The following PCDHA6 variants were observed in gnomAD, a reference collection of about 807,000 sequenced individuals.
PCDHA6 encodes the protein protocadherin alpha 6.
A neutral mutation model predicts 60.3 loss-of-function variants in PCDHA6; 55 were observed. The observed-to-expected ratio is 0.91, with a 90% CI of 0.73 to 1.14. The LOEUF is 1.14. Ranked by LOEUF, PCDHA6 falls within the 50% of genes most tolerant of loss-of-function variation. The pLI is 0.00. For missense variants in PCDHA6, 1,327 were observed against 1,256.5 expected (o/e 1.06, Z -0.85); for synonymous variants, 652 against 557.9 (o/e 1.17, Z -2.38).
In PCDHA6 at chr5:140,888,611, G is replaced by C. The variant is rs1554183538; in HGVS notation, c.2394+58126G>C. Reference sequence around the variant, plus strand: ...CACATTCAGAGCAGCTTTTAGTGTAGCACTAATTCGGCCTTCTATTACAGC... The same window carrying C: ...CACATTCAGAGCAGCTTTTAGTGTACCACTAATTCGGCCTTCTATTACAGC... On this transcript the variant is annotated intron_variant, in intron 1 of 3. Transcript: ENST00000529310. Among the ~76,000 whole-genome samples the C allele has an allele frequency of 2.0e-5, 3 of 152,144 alleles. No homozygotes were observed. In the East Asian group the frequency reaches 5.8e-4, roughly 29 times the overall value.
rs180990865 is a variant in PCDHA6 at position 140,858,241 on chromosome 5, G to C, written c.2394+27756G>C. 1.8e-3 allele frequency: 2,879 copies of C among 1,596,686 alleles called. 210 individuals carry two copies. In the African/African-American group the frequency reaches 0.035, roughly 19 times the overall value. On this transcript the variant is annotated intron_variant, in intron 1 of 3. Coordinates refer to ENST00000529310, the MANE Select transcript of PCDHA6 (RefSeq NM_018909.4). ...CGGCGCCCACCGAGGGCGCATGTGGGCCGGTGAAGCCCACGCTGGTGTGCT... is the reference window on the plus strand; with the variant it reads ...CGGCGCCCACCGAGGGCGCATGTGGCCCGGTGAAGCCCACGCTGGTGTGCT...
intron 1 of PCDHA6, chr5:140,927,041 T>G (rs1242687827): frequency 9.9e-6 from 16 of 1,612,338 alleles, no homozygotes; most frequent in Non-Finnish European, 1.0e-5. Context: ...GCGGCCGCTA[T>G]GTCCTCGCGG....
At chr5:140,848,269 G>T in intron 1 of PCDHA6, 1 of 502,308 alleles carries the variant, frequency 2.0e-6, no homozygotes, top group Non-Finnish European at 3.5e-6. Context: ...TTTTATTCAT[G>T]AAATATGTAC....
intron 1 of PCDHA6, chr5:140,852,618 T>C: frequency 1.1e-6 from 1 of 941,450 alleles, no homozygotes; most frequent in Non-Finnish European, 1.3e-6. Flanking sequence ...AAAACTTGAG[T>C]GGTCTCTGAG....
At chr5:141,004,508 G>A (rs1554259596) in intron 3 of PCDHA6, among the ~76,000 whole-genome samples, 1 of 152,200 alleles carries the variant, frequency 6.6e-6, no homozygotes. Flanking sequence ...GCTGTGAGGG[G>A]CTCCCTCTGC....
chr5:141,007,277 C>T (rs2098312243), intron 3 of PCDHA6, among the ~76,000 whole-genome samples: 1 of 151,304 alleles, frequency 6.6e-6, no homozygotes, highest in Non-Finnish European at 1.5e-5. Context: ...AGGCTGGGTG[C>T]AGTGGGCTCA....
At chr5:140,927,142 G>T (rs781883795) in intron 1 of PCDHA6, 1 of 1,614,128 alleles carries the variant, frequency 6.2e-7, no homozygotes, top group South Asian at 1.1e-5. Context: ...GGCGGACCGC[G>T]AACAGCTGTG....
rs1229783262 is a variant in PCDHA6 at position 140,850,596 on chromosome 5, A to G, written c.2394+20111A>G. ...GCTGGTGGATGTCAACGTGTACCTG[A>G]TCATCGCCATCTGCGCGGTGTCTAG... On this transcript the variant is annotated intron_variant, in intron 1 of 3. Coordinates refer to ENST00000529310, the MANE Select transcript of PCDHA6 (RefSeq NM_018909.4). 2 of 1,598,308 alleles carry G rather than the reference A, an allele frequency of 1.3e-6. 1 individual carries two copies. The highest frequency in any genetic ancestry group is 1.7e-6 in the Non-Finnish European group (2 of 1,167,786).
intron 1 of PCDHA6, chr5:140,870,927 T>C (rs782446287): frequency 1.9e-6 from 3 of 1,613,880 alleles, no homozygotes; most frequent in Non-Finnish European, 2.5e-6. Context: ...GGCTTTCATA[T>C]GAATTGCAGC....
intron 1 of PCDHA6, among the ~76,000 whole-genome samples, chr5:140,846,211 C>T (rs1393164051): frequency 6.7e-6 from 1 of 149,252 alleles, no homozygotes; most frequent in Non-Finnish European, 1.5e-5. Flanking sequence ...GAGATCTTTC[C>T]ATTAATAGTA....
At chr5:140,861,560 C>A in intron 1 of PCDHA6, 2 of 391,162 alleles carry the variant, frequency 5.1e-6, no homozygotes, top group Admixed American at 2.5e-5. Flanking sequence ...TGATCGTGGA[C>A]AAGCTGCTAC....
chr5:140,884,634 G>T (rs1263952131), intron 1 of PCDHA6: 2 of 1,612,298 alleles, frequency 1.2e-6, no homozygotes, highest in Middle Eastern at 1.6e-4. Context: ...ACAGGCCAGA[G>T]GGAGGAGGAC....
intron 1 of PCDHA6, among the ~76,000 whole-genome samples, chr5:140,960,353 A>T (rs1197291282): frequency 6.6e-6 from 1 of 152,214 alleles, no homozygotes; most frequent in African/African-American, 2.4e-5. Context: ...ATATGTACTG[A>T]AATAATATGC....
chr5:140,853,313 T>C lies in PCDHA6; in HGVS notation c.2394+22828T>C, dbSNP rs1581310278. The C allele has an allele frequency of 3.0e-6, 3 of 984,212 alleles. 1 individual carries two copies. Among genetic ancestry groups the C allele is most frequent in the Non-Finnish European group, 1.2e-6 (1 of 816,620 alleles). 61.0% of individuals were successfully genotyped at this position (984,212 alleles called of 1,614,324 possible). A position where few individuals can be genotyped will look rare whatever the true frequency, so the allele number is the denominator to read the frequency against. On this transcript the variant is annotated intron_variant, in intron 1 of 3. Transcript: ENST00000529310. ...CTCAGAAGGGCTGTGAACACCTTAG[T>C]AATAAATTTATCTTTTGAGGTCATT...
chr5:140,949,978 C>T (rs557456282), intron 1 of PCDHA6, among the ~76,000 whole-genome samples: 1 of 151,916 alleles, frequency 6.6e-6, no homozygotes, highest in East Asian at 1.9e-4. Context: ...AGCATACATA[C>T]TTAACTTTTC....
intron 1 of PCDHA6, among the ~76,000 whole-genome samples, chr5:140,977,515 C>T (rs2096764078): frequency 6.6e-6 from 1 of 152,158 alleles, no homozygotes; most frequent in African/African-American, 2.4e-5. Context: ...ATTTTGTGAA[C>T]TTGAAAACAA....
rs1554149884 is a variant in PCDHA6, at chr5:140,857,345, C to T, written c.2394+26860C>T. Reference sequence around the variant, plus strand: ...GACCGCGCGGGACGGGGGCTCGCCTCCGCTGTGGGCCACGGCCAGCGTGTC... The same window carrying T: ...GACCGCGCGGGACGGGGGCTCGCCTTCGCTGTGGGCCACGGCCAGCGTGTC... On this transcript the variant is annotated intron_variant, in intron 1 of 3. Coordinates refer to ENST00000529310, the MANE Select transcript of PCDHA6 (RefSeq NM_018909.4). The T allele has an allele frequency of 5.6e-6, 9 of 1,598,348 alleles. No homozygotes were observed. The Admixed American group carries it at 6.7e-5, about 12-fold the overall frequency.
At chr5:141,003,502 G>C (rs1384211644) in intron 3 of PCDHA6, among the ~76,000 whole-genome samples, 3 of 151,992 alleles carry the variant, frequency 2.0e-5, no homozygotes, top group African/African-American at 2.4e-5. Context: ...TAGTAGAGAT[G>C]GGGTTTCACC....
At chr5:140,832,345 G>T (rs2150201218) in intron 1 of PCDHA6, among the ~76,000 whole-genome samples, 1,544 of 152,284 alleles carry the variant, frequency 0.01, 30 homozygotes, top group African/African-American at 0.036. Context: ...GTTGTGGTTT[G>T]TGTTTCCTAA....
Sources: allele counts gnomAD v4.1 joint callset (sites outside exome capture counted in the v4.1 genomes callset), GRCh38; gene constraint gnomAD v4.1.1; transcripts MANE v1.5; gene names NCBI Gene and HGNC (gene_info 2026-07-23, HGNC 2026-07-21).